TRHDE: variants seen among roughly 807,000 people sequenced by gnomAD.
The protein encoded by TRHDE is thyrotropin releasing hormone degrading enzyme.
TRHDE carries 72 observed loss-of-function variants against 125.7 expected under a neutral mutation model. The observed-to-expected ratio is 0.57, with a 90% CI of 0.47 to 0.70. The LOEUF (loss-of-function observed/expected upper bound fraction) is 0.70. Ranked by LOEUF, TRHDE falls within the 30% of genes least tolerant of loss-of-function variation. TRHDE has a pLI of 0.00. For synonymous variants in TRHDE, 509 were observed against 509.1 expected (o/e 1.00, Z 0.00); for missense variants, 1,110 against 1,327.1 (o/e 0.84, Z 2.54).
At chr12:72,373,409 C>T (rs564829911) in intron 2 of TRHDE, among the ~76,000 whole-genome samples, 12 of 152,154 alleles carry the variant, frequency 7.9e-5, no homozygotes, top group East Asian at 5.8e-4. Context: ...TTGCCCTGGC[C>T]AGAACTTCCA....
At chr12:72,513,929 A>G (rs1878714643) in intron 6 of TRHDE, among the ~76,000 whole-genome samples, 1 of 152,108 alleles carries the variant, frequency 6.6e-6, no homozygotes, top group Non-Finnish European at 1.5e-5. Context: ...CTACAAAGAA[A>G]TTACCTGTTC....
intron 16 of TRHDE, 142 bp from the exon 17 acceptor site, chr12:72,652,874 T>G: frequency 2.1e-6 from 1 of 484,172 alleles, no homozygotes; most frequent in Non-Finnish European, 3.4e-6. Flanking sequence ...AAATGTGTTC[T>G]ATTTATAAGT....
At chr12:72,327,833 C>T (rs1475644915) in intron 2 of TRHDE, among the ~76,000 whole-genome samples, 2 of 152,068 alleles carry the variant, frequency 1.3e-5, no homozygotes, top group Non-Finnish European at 2.9e-5. Flanking sequence ...AAAAAAAAAT[C>T]CCAGCTTTGA....
At chr12:72,344,852 A>G (rs915841543) in intron 2 of TRHDE, among the ~76,000 whole-genome samples, 10 of 152,030 alleles carry the variant, frequency 6.6e-5, no homozygotes, top group African/African-American at 1.9e-4. Flanking sequence ...CTGGCTGCAC[A>G]TCTGTCCCCT....
chr12:72,265,232 A>C (rs1310126610), intron 2 of TRHDE, among the ~76,000 whole-genome samples: 1 of 151,978 alleles, frequency 6.6e-6, no homozygotes, highest in East Asian at 1.9e-4. Flanking sequence ...TTTAATGATC[A>C]AGAAAAAGCC....
chr12:72,506,704 G>A (rs1171398447), intron 6 of TRHDE, among the ~76,000 whole-genome samples: 1 of 152,074 alleles, frequency 6.6e-6, no homozygotes, highest in African/African-American at 2.4e-5. Flanking sequence ...GTTATGATAT[G>A]GACCATCTCA....
intron 2 of TRHDE, among the ~76,000 whole-genome samples, chr12:72,320,031 T>G (rs371404567): frequency 6.6e-6 from 1 of 152,164 alleles, no homozygotes; most frequent in East Asian, 1.9e-4. Flanking sequence ...ATTTATTTTT[T>G]GATTCTCCAG....
At chr12:72,145,686 C>T (rs2139317224) in intron 2 of TRHDE, among the ~76,000 whole-genome samples, 1 of 152,260 alleles carries the variant, frequency 6.6e-6, no homozygotes, top group Middle Eastern at 3.4e-3. Context: ...AGACCGAATC[C>T]TTTCTGTATG....
chr12:72,140,201 A>G (rs1424901242), intron 2 of TRHDE: 1 of 152,178 alleles, frequency 6.6e-6, no homozygotes, highest in Non-Finnish European at 1.5e-5. Context: ...ATTCTCTCTG[A>G]AGAATACATA....
At chr12:72,541,217 G>A (rs546685365) in intron 6 of TRHDE, among the ~76,000 whole-genome samples, 6 of 151,466 alleles carry the variant, frequency 4.0e-5, no homozygotes, top group Non-Finnish European at 7.4e-5. Flanking sequence ...TTGTAACCCC[G>A]AATCCAGGCT....
chr12:72,287,948 T>C (rs914790553), intron 2 of TRHDE, among the ~76,000 whole-genome samples: 1 of 90,318 alleles, frequency 1.1e-5, no homozygotes, highest in African/African-American at 5.4e-5. Context: ...AAGATTCCAC[T>C]TTTTTTTTTT....
intron 12 of TRHDE, among the ~76,000 whole-genome samples, chr12:72,618,566 A>T (rs1872913623): frequency 6.6e-6 from 1 of 152,112 alleles, no homozygotes; most frequent in Non-Finnish European, 1.5e-5. Flanking sequence ...ATTATTTTCA[A>T]TTGCTTGTTA....
intron 7 of TRHDE, among the ~76,000 whole-genome samples, chr12:72,555,004 C>T (rs531304913): frequency 8.2e-4 from 125 of 152,274 alleles, no homozygotes; most frequent in Non-Finnish European, 1.2e-3. Context: ...ATGCCATTGT[C>T]TGTAATTTAA....
rs185131623 is a variant in TRHDE at position 72,092,778 on chromosome 12, G to A, written n.174+5339G>A. Among the ~76,000 whole-genome samples the A allele has an allele frequency of 1.3e-4, 20 of 152,278 alleles. 1 individual carries two copies. The highest frequency in any genetic ancestry group is 9.2e-4 in the Admixed American group (14 of 15,294). ...GGAGAGGAGCTTAAGAGTCAAAACA[G>A]GTGACTATTGCTGGAAGAAAGGTAC... On this transcript the variant is annotated intron_variant and non_coding_transcript_variant, in intron 1 of 4. Transcript: ENST00000548156.
chr12:72,216,150 C>A (rs1034771713), intron 2 of TRHDE, among the ~76,000 whole-genome samples: 1 of 152,012 alleles, frequency 6.6e-6, no homozygotes, highest in Non-Finnish European at 1.5e-5. Flanking sequence ...TGAGTGTTAG[C>A]GAGCTTTATA....
intron 7 of TRHDE, among the ~76,000 whole-genome samples, chr12:72,544,349 C>G (rs569166203): frequency 6.6e-6 from 1 of 151,522 alleles, no homozygotes; most frequent in Admixed American, 6.6e-5. Context: ...CCAGAAGGCC[C>G]TGGGGAGTCT....
At chr12:72,204,810 C>T (rs529376226) in intron 2 of TRHDE, among the ~76,000 whole-genome samples, 1 of 152,066 alleles carries the variant, frequency 6.6e-6, no homozygotes, top group South Asian at 2.1e-4. Context: ...TTTTTCCTCA[C>T]TAGTATTTTC....
intron 10 of TRHDE, among the ~76,000 whole-genome samples, chr12:72,569,275 A>C (rs1482350193): frequency 2.0e-5 from 3 of 152,220 alleles, no homozygotes; most frequent in African/African-American, 7.2e-5. Context: ...TATAGCCTTC[A>C]TTCTACAGTG....
At chr12:72,328,548 G>C (rs930272816) in intron 2 of TRHDE, among the ~76,000 whole-genome samples, 2 of 151,996 alleles carry the variant, frequency 1.3e-5, no homozygotes, top group African/African-American at 4.8e-5. Flanking sequence ...CTTTATGATT[G>C]GGGGCCTTTG....
Sources: allele counts gnomAD v4.1 joint callset (sites outside exome capture counted in the v4.1 genomes callset), GRCh38; gene constraint gnomAD v4.1.1; transcripts MANE v1.5; gene names NCBI Gene and HGNC (gene_info 2026-07-23, HGNC 2026-07-21).